VAV3: variants seen among roughly 807,000 people sequenced by gnomAD.
VAV3 encodes the protein guanine nucleotide exchange factor VAV3.
Under a neutral mutation model 131.2 loss-of-function variants are expected in VAV3, and 94 were observed. That is an observed-to-expected ratio of 0.72 (90% CI 0.61 to 0.85). VAV3 has a LOEUF of 0.85. Ranked by LOEUF, VAV3 falls within the 40% of genes least tolerant of loss-of-function variation. The probability of loss-of-function intolerance (pLI) is 0.00; values close to 1 mark genes in which losing one functional copy is unlikely to be tolerated. For missense variants in VAV3, 939 were observed against 1,002.7 expected (o/e 0.94, Z 0.86); for synonymous variants, 349 against 342.0 (o/e 1.02, Z -0.22).
intron 15 of VAV3, among the ~76,000 whole-genome samples, chr1:107,729,187 T>C (rs954940239): frequency 7.2e-5 from 11 of 152,212 alleles, no homozygotes; most frequent in Non-Finnish European, 1.0e-4. Flanking sequence ...GCAACAGCTT[T>C]AATTTAAAAT....
intron 1 of VAV3, among the ~76,000 whole-genome samples, chr1:107,956,652 C>G (rs1212608151): frequency 6.6e-6 from 1 of 152,036 alleles, no homozygotes; most frequent in Non-Finnish European, 1.5e-5. Flanking sequence ...CCCGTAAAAG[C>G]ACTTCAGGGA....
chr1:107,596,406 C>T, intron 24 of VAV3, 65 bp from the exon 25 acceptor site: 1 of 1,564,290 alleles, frequency 6.4e-7, no homozygotes, highest in African/African-American at 1.4e-5. Flanking sequence ...ACATGAACTC[C>T]TGAGCACATA....
intron 1 of VAV3, among the ~76,000 whole-genome samples, chr1:107,891,836 CT>C: frequency 1.1e-5 from 1 of 89,962 alleles, no homozygotes; most frequent in Admixed American, 1.4e-4. Flanking sequence ...AAGACTCCGT[CT>C]CAAAAAAAAA....
intron 20 of VAV3, 141 bp from the exon 21 acceptor site, chr1:107,617,773 G>A: frequency 1.7e-6 from 1 of 598,468 alleles, no homozygotes. Context: ...TTAACTTACT[G>A]TGGATCAGAA....
chr1:107,645,588 A>G (rs1655679096), intron 19 of VAV3, among the ~76,000 whole-genome samples: 1 of 152,104 alleles, frequency 6.6e-6, no homozygotes, highest in Non-Finnish European at 1.5e-5. Flanking sequence ...TGAAAAAGGC[A>G]CCATTACATT....
intron 15 of VAV3, among the ~76,000 whole-genome samples, chr1:107,721,237 A>T (rs1661479597): frequency 6.6e-6 from 1 of 152,166 alleles, no homozygotes; most frequent in Admixed American, 6.5e-5. Context: ...AAGTGAGGGG[A>T]GCATATGTCC....
chr1:107,785,789 C>T (rs1665948666), intron 2 of VAV3, among the ~76,000 whole-genome samples: 1 of 152,162 alleles, frequency 6.6e-6, no homozygotes, highest in African/African-American at 2.4e-5. Flanking sequence ...CTGATACTAT[C>T]CAGGCATCCC....
chr1:107,616,409 G>A (rs1250439738), intron 21 of VAV3, among the ~76,000 whole-genome samples: 1 of 152,104 alleles, frequency 6.6e-6, no homozygotes, highest in Non-Finnish European at 1.5e-5. Flanking sequence ...CATGAGAAGG[G>A]AACAACAGAT....
rs1416453907 is a variant in VAV3, at chr1:107,686,005, A to ACCTAACAATGGTGG, written c.1731+2362_1731+2375dup. 1.7e-4 allele frequency: 13 copies of ACCTAACAATGGTGG among 76,760 alleles called. 1 individual carries two copies. Among genetic ancestry groups the ACCTAACAATGGTGG allele is most frequent in the African/African-American group, 7.5e-4 (13 of 17,356 alleles). The allele number at this position is 76,760 out of a possible 1,614,324, so 4.8% of individuals were successfully genotyped here. On this transcript the variant is annotated intron_variant, in intron 18 of 26. Transcript: ENST00000370056. ...GGACCTTCTCAGTCTCCTTTGATCTACCTAACAATGGTGGGCTGGTTGGGG... is the reference window on the plus strand; with the variant it reads ...GGACCTTCTCAGTCTCCTTTGATCTACCTAACAATGGTGGCCTAACAATGGTGGGCTGGTTGGGG...
At chr1:107,619,272 G>T (rs540202652) in intron 20 of VAV3, among the ~76,000 whole-genome samples, 1 of 152,114 alleles carries the variant, frequency 6.6e-6, no homozygotes, top group African/African-American at 2.4e-5. Context: ...ATAGAAGACA[G>T]AATTTACAGA....
chr1:107,878,219 C>G (rs1325853640), intron 1 of VAV3, among the ~76,000 whole-genome samples: 1 of 152,120 alleles, frequency 6.6e-6, no homozygotes, highest in Admixed American at 6.5e-5. Flanking sequence ...CCTAAATACT[C>G]TGACTCTACC....
intron 5 of VAV3, among the ~76,000 whole-genome samples, chr1:107,771,612 T>C (rs769177503): frequency 1.3e-5 from 2 of 152,202 alleles, no homozygotes; most frequent in Non-Finnish European, 2.9e-5. Context: ...AGTTTTCTTA[T>C]CTGTCAAACA....
chr1:107,612,149 C>A (rs576134948), intron 21 of VAV3, among the ~76,000 whole-genome samples: 2 of 148,530 alleles, frequency 1.3e-5, no homozygotes, highest in East Asian at 4.0e-4. Context: ...TATATACACA[C>A]ACACACATAC....
chr1:107,632,730 G>A (rs1485141209), intron 20 of VAV3, among the ~76,000 whole-genome samples: 2 of 152,222 alleles, frequency 1.3e-5, no homozygotes, highest in Non-Finnish European at 2.9e-5. Context: ...TGAAGTGTTA[G>A]CAGTGTCTGA....
At chr1:107,951,689 C>T (rs1310918870) in intron 1 of VAV3, among the ~76,000 whole-genome samples, 1 of 151,844 alleles carries the variant, frequency 6.6e-6, no homozygotes, top group Non-Finnish European at 1.5e-5. Context: ...CAAAAGAAGA[C>T]ATACATGCAG....
intron 2 of VAV3, among the ~76,000 whole-genome samples, chr1:107,787,793 T>C (rs990752721): frequency 6.6e-6 from 1 of 152,210 alleles, no homozygotes; most frequent in African/African-American, 2.4e-5. Context: ...AGCAAATTTT[T>C]TCTAAAGCAA....
At chr1:107,632,281 C>G (rs950038868) in intron 20 of VAV3, among the ~76,000 whole-genome samples, 2 of 152,152 alleles carry the variant, frequency 1.3e-5, no homozygotes, top group Non-Finnish European at 2.9e-5. Flanking sequence ...CCAAGGCCAT[C>G]TGTGTCTTAA....
At chr1:107,614,609 C>T (rs1653002886) in intron 21 of VAV3, among the ~76,000 whole-genome samples, 1 of 152,050 alleles carries the variant, frequency 6.6e-6, no homozygotes, top group South Asian at 2.1e-4. Context: ...AATTTCTGAA[C>T]ATATTTCTCC....
chr1:107,591,067 C>A (rs954979931), intron 25 of VAV3, among the ~76,000 whole-genome samples: 1 of 152,158 alleles, frequency 6.6e-6, no homozygotes, highest in Non-Finnish European at 1.5e-5. Context: ...ATATGAAGTT[C>A]TCTAATGCTT....
Sources: allele counts gnomAD v4.1 joint callset (sites outside exome capture counted in the v4.1 genomes callset), GRCh38; gene constraint gnomAD v4.1.1; transcripts MANE v1.5; gene names NCBI Gene and HGNC (gene_info 2026-07-23, HGNC 2026-07-21).